The following PDZD9 variants were observed in gnomAD, a reference collection of about 807,000 sequenced individuals.
The protein encoded by PDZD9 is PDZ domain containing 9, also known as PDZ domain-containing protein 9.
In PDZD9, 13 loss-of-function variants were observed where a neutral mutation model predicts 16.3. The ratio of observed to expected loss-of-function variants is 0.80; its 90% CI spans 0.52 to 1.27. PDZD9 has a LOEUF of 1.27. Ranked by LOEUF, PDZD9 falls within the 50% of genes most tolerant of loss-of-function variation. The pLI, the probability that PDZD9 is intolerant of heterozygous loss-of-function variation, is 0.00. For missense variants in PDZD9, 288 were observed against 310.9 expected (o/e 0.93, Z 0.55); for synonymous variants, 120 against 111.0 (o/e 1.08, Z -0.51).
intron 3 of PDZD9, among the ~76,000 whole-genome samples, chr16:21,988,060 T>C (rs922250712): frequency 1.5e-5 from 2 of 137,544 alleles, no homozygotes; most frequent in Non-Finnish European, 3.0e-5. Flanking sequence ...CAGGCTGGAG[T>C]GCAGTGGTGC....
intron 1 of PDZD9, 141 bp downstream of exon 1, chr16:22,000,867 GATGATGATA>G (rs1227853780): frequency 1.5e-4 from 103 of 690,040 alleles, no homozygotes; most frequent in Middle Eastern, 7.2e-4. Flanking sequence ...TGATGATGAT[GATGATGATA>G]ATGATGATGA....
At chr16:21,997,004 G>T (rs990155068) in intron 1 of PDZD9, among the ~76,000 whole-genome samples, 1 of 151,874 alleles carries the variant, frequency 6.6e-6, no homozygotes, top group African/African-American at 2.4e-5. Flanking sequence ...TATTGTTTTT[G>T]TAGAGACAGG....
chr16:21,995,225 A>C (rs1378879610), intron 2 of PDZD9: 3 of 458,318 alleles, frequency 6.5e-6, no homozygotes, highest in Non-Finnish European at 1.3e-5. Flanking sequence ...CGCTCCAACC[A>C]TGTAAGACAT....
the PDZD9 span, among the ~76,000 whole-genome samples, chr16:21,972,995 G>A: frequency 1.9e-3 from 291 of 152,334 alleles, no homozygotes; most frequent in Middle Eastern, 6.8e-3. Flanking sequence ...AGCTACTTGG[G>A]AGGCTGAGGC....
At chr16:21,981,274 A>G (rs1001187870), downstream of PDZD9, among the ~76,000 whole-genome samples, 9 of 152,204 alleles carry the variant, frequency 5.9e-5, no homozygotes, top group Non-Finnish European at 1.2e-4. Flanking sequence ...GGCAAGGACT[A>G]TGTCATGTAC....
the PDZD9 span, among the ~76,000 whole-genome samples, chr16:21,964,053 C>G: frequency 6.6e-6 from 1 of 152,056 alleles, no homozygotes; most frequent in African/African-American, 2.4e-5. Flanking sequence ...CTGGTGGGAG[C>G]AGAAATGTGC....
chr16:21,968,669 G>A, the PDZD9 span: 2 of 1,609,482 alleles, frequency 1.2e-6, no homozygotes, highest in Admixed American at 3.4e-5. Context: ...GTGCAAGAAT[G>A]GCTTTGATTG....
chr16:21,989,482 T>TA lies in PDZD9; in HGVS notation c.212-692dup, dbSNP rs1272929710. 2.0e-5 allele frequency among the ~76,000 whole-genome samples: 3 copies of TA among 152,178 alleles called. No homozygotes were observed. The East Asian group carries it at 5.8e-4, about 29-fold the overall frequency. ...TATTACTAGAAAAGAAAAAACCACT[T>TA]ACACTAAGTGGTGAATAAATGACCT... is the stretch of plus-strand genomic sequence containing the variant. On this transcript the variant is annotated intron_variant, in intron 2 of 3. Coordinates refer to ENST00000424898, the MANE Select transcript of PDZD9 (RefSeq NM_001363519.1).
chr16:21,961,620 TA>T, the PDZD9 span, among the ~76,000 whole-genome samples: 1 of 74,324 alleles, frequency 1.3e-5, no homozygotes, highest in African/African-American at 3.3e-5. Context: ...GTATATAACA[TA>T]AAATTTATAT....
At chr16:21,996,586 TG>T in intron 1 of PDZD9, 85 bp from the exon 2 acceptor site, 2 of 1,248,136 alleles carry the variant, frequency 1.6e-6, no homozygotes, top group Middle Eastern at 1.9e-4. Flanking sequence ...GCCAGATCCC[TG>T]GGACAGTTAT....
downstream of PDZD9, chr16:21,983,205 G>A (rs1567482340): frequency 7.6e-6 from 12 of 1,588,346 alleles, no homozygotes; most frequent in South Asian, 2.2e-5. Flanking sequence ...AGAGCTGAAC[G>A]TTCTCTCAGC....
At chr16:21,968,617 A>G in the PDZD9 span, 1 of 1,598,860 alleles carries the variant, frequency 6.3e-7, no homozygotes, top group Non-Finnish European at 8.5e-7. Flanking sequence ...AAGTGTTTTT[A>G]ACTTCCTCAG....
chr16:21,961,652 ATATATATATATATATATT>A, the PDZD9 span, among the ~76,000 whole-genome samples: 8 of 102,302 alleles, frequency 7.8e-5, no homozygotes, highest in Middle Eastern at 4.2e-3. Flanking sequence ...ATATATATAT[ATATATATATATATATATT>A]TTAGACAGTC....
At chr16:21,961,603 G>T in the PDZD9 span, 2 of 114,464 alleles carry the variant, frequency 1.7e-5, no homozygotes, top group African/African-American at 5.9e-5. Flanking sequence ...AAAAATTGTG[G>T]TCAAATGTAT....
the PDZD9 span, among the ~76,000 whole-genome samples, chr16:21,970,711 G>A: frequency 1.4e-4 from 21 of 152,014 alleles, no homozygotes; most frequent in African/African-American, 4.6e-4. Flanking sequence ...TCAGCCTCCC[G>A]AGTAGCTGGG....
At chr16:21,958,560 A>G in the PDZD9 span, 1 of 1,612,784 alleles carries the variant, frequency 6.2e-7, no homozygotes, top group East Asian at 2.2e-5. Flanking sequence ...TCATCTTTCA[A>G]GATAACCCGT....
intron 2 of PDZD9, among the ~76,000 whole-genome samples, chr16:21,994,927 C>T (rs1899108896): frequency 1.3e-5 from 2 of 151,948 alleles, no homozygotes; most frequent in South Asian, 4.1e-4. Flanking sequence ...GCCTCCTGCA[C>T]TCAAGTGATC....
chr16:21,965,657 A>C, the PDZD9 span: 2 of 577,022 alleles, frequency 3.5e-6, no homozygotes, highest in Admixed American at 7.6e-5. Flanking sequence ...TTTAACTAAA[A>C]TTTTATCTGA....
chr16:21,977,260 G>A, the PDZD9 span, among the ~76,000 whole-genome samples: 1 of 152,014 alleles, frequency 6.6e-6, no homozygotes, highest in Non-Finnish European at 1.5e-5. Flanking sequence ...AGGCTGAAGA[G>A]GGGGGATTGC....
Sources: gnomAD v4.1 joint callset for allele counts (sites outside exome capture counted in the v4.1 genomes callset) on GRCh38, gnomAD v4.1.1 for gene constraint, MANE v1.5 for transcripts, NCBI Gene and HGNC (gene_info 2026-07-23, HGNC 2026-07-21) for gene names.